Variants in ANK2 observed in about 807,000 individuals in gnomAD.
ANK2 encodes the protein ankyrin 2, also known as ankyrin-2.
Under a neutral mutation model 360.5 loss-of-function variants are expected in ANK2, and 83 were observed. The ratio of observed to expected loss-of-function variants is 0.23; its 90% confidence interval spans 0.19 to 0.28. The LOEUF is 0.28. ANK2 is among the 10% of genes least tolerant of loss of function. The pLI is 1.00. For missense variants in ANK2, 4,201 were observed against 4,795.7 expected (o/e 0.88, Z 3.66); for synonymous variants, 1,740 against 1,759.5 (o/e 0.99, Z 0.28).
chr4:113,016,546 C>A (rs143568377), intron 2 of ANK2, among the ~76,000 whole-genome samples: 1 of 152,132 alleles, frequency 6.6e-6, no homozygotes, highest in Non-Finnish European at 1.5e-5. Context: ...GAACTGCAAC[C>A]GTAGCCTTGC....
intron 2 of ANK2, among the ~76,000 whole-genome samples, chr4:112,998,810 A>G (rs1377157053): frequency 6.6e-6 from 1 of 152,214 alleles, no homozygotes; most frequent in East Asian, 1.9e-4. Flanking sequence ...GTTTGATCAC[A>G]GCACCCTTTT....
chr4:113,206,796 G>C (rs1281697324), intron 4 of ANK2, among the ~76,000 whole-genome samples: 1 of 152,166 alleles, frequency 6.6e-6, no homozygotes, highest in Admixed American at 6.5e-5. Context: ...GACTGAGGTG[G>C]GTGGATCACT....
At chr4:112,938,643 G>C (rs1032096535) in intron 2 of ANK2, among the ~76,000 whole-genome samples, 5 of 152,066 alleles carry the variant, frequency 3.3e-5, no homozygotes, top group Admixed American at 6.5e-5. Flanking sequence ...ATTTTTATTC[G>C]GCTCAATCAG....
intron 2 of ANK2, among the ~76,000 whole-genome samples, chr4:112,952,908 C>T (rs888676287): frequency 3.3e-5 from 5 of 151,980 alleles, no homozygotes. Context: ...GTGACTTGAC[C>T]AAGTCAAGAG....
At chr4:113,179,051 C>A (rs556324022) in intron 2 of ANK2, among the ~76,000 whole-genome samples, 1 of 152,212 alleles carries the variant, frequency 6.6e-6, no homozygotes, top group African/African-American at 2.4e-5. Flanking sequence ...AGTCAAAGAG[C>A]ACCACCACCA....
Position 112,996,295 on chromosome 4 carries a change from C to T in ANK2, c.21+91781C>T, listed in dbSNP as rs146617863. ...GGAGCAGGGAGGGCCAGTCTACAAA[C>T]GAGCATGGGGAAACTTAGGAGTGAT... On this transcript the variant is annotated intron_variant, in intron 2 of 30. Coordinates refer to the ANK2 transcript ENST00000503271. Among the ~76,000 whole-genome samples, 50 of 152,160 alleles carry T rather than the reference C, an allele frequency of 3.3e-4. 1 individual carries two copies. In the East Asian group the frequency reaches 4.6e-3, roughly 14 times the overall value.
chr4:113,207,282 T>C (rs1307952737), intron 4 of ANK2, among the ~76,000 whole-genome samples: 1 of 152,248 alleles, frequency 6.6e-6, no homozygotes. Flanking sequence ...CATTTTATTC[T>C]GAAATTTGAA....
At chr4:112,716,132 T>C in the ANK2 span, among the ~76,000 whole-genome samples, 132,598 of 152,188 alleles carry the variant, frequency 0.87, 58,045 homozygotes, top group Middle Eastern at 0.95. Flanking sequence ...AGAAATGAGG[T>C]TTGCACAGCC....
intron 2 of ANK2, among the ~76,000 whole-genome samples, chr4:112,967,076 G>A (rs1316421366): frequency 2.0e-5 from 3 of 152,180 alleles, no homozygotes; most frequent in African/African-American, 7.2e-5. Context: ...AATTTTCTCA[G>A]TTGATCCCTT....
chr4:112,925,679 A>G (rs2092443874), intron 2 of ANK2, among the ~76,000 whole-genome samples: 1 of 152,246 alleles, frequency 6.6e-6, no homozygotes, highest in South Asian at 2.1e-4. Flanking sequence ...TTTTCTGCCT[A>G]CTTGAATGGA....
the ANK2 span, among the ~76,000 whole-genome samples, chr4:112,811,207 G>A: frequency 6.6e-6 from 1 of 152,252 alleles, no homozygotes; most frequent in South Asian, 2.1e-4. Flanking sequence ...AAAGTGCTGG[G>A]ATTACAGGCG....
chr4:113,134,095 G>A (rs1381102462), intron 1 of ANK2, among the ~76,000 whole-genome samples: 6 of 151,914 alleles, frequency 3.9e-5, no homozygotes, highest in Admixed American at 3.3e-4. Context: ...TATACTACTA[G>A]CACCTCCAAT....
intron 4 of ANK2, among the ~76,000 whole-genome samples, chr4:113,205,421 G>C (rs1256413959): frequency 4.6e-5 from 7 of 151,942 alleles, no homozygotes; most frequent in Admixed American, 4.6e-4. Flanking sequence ...TATCAAGTGA[G>C]TTCAAATAAG....
At chr4:112,707,016 A>C in the ANK2 span, among the ~76,000 whole-genome samples, 1 of 152,292 alleles carries the variant, frequency 6.6e-6, no homozygotes, top group East Asian at 1.9e-4. Flanking sequence ...TTAGGTTATC[A>C]CAGTAGTAGC....
At chr4:113,228,297 T>C (rs1223324275) in intron 4 of ANK2, among the ~76,000 whole-genome samples, 1 of 152,190 alleles carries the variant, frequency 6.6e-6, no homozygotes, top group African/African-American at 2.4e-5. Context: ...CCGGGCAGTA[T>C]ACACTGTGCC....
At chr4:113,237,270 T>C in intron 6 of ANK2, 98 bp downstream of exon 6, 1 of 1,381,114 alleles carries the variant, frequency 7.2e-7, no homozygotes, top group Non-Finnish European at 1.0e-6. Context: ...TAATGCAAAA[T>C]TATTTCTGGT....
chr4:112,946,217 C>G (rs961568516), intron 2 of ANK2, among the ~76,000 whole-genome samples: 1 of 152,126 alleles, frequency 6.6e-6, no homozygotes, highest in African/African-American at 2.4e-5. Flanking sequence ...AACACAAACA[C>G]CAGAGCCTTT....
intron 2 of ANK2, among the ~76,000 whole-genome samples, chr4:113,003,367 A>T (rs1195097029): frequency 2.0e-5 from 3 of 152,168 alleles, no homozygotes; most frequent in African/African-American, 4.8e-5. Context: ...CCTCCCTGAG[A>T]TATTATAGAT....
the ANK2 span, among the ~76,000 whole-genome samples, chr4:112,775,048 G>A: frequency 6.6e-6 from 1 of 152,142 alleles, no homozygotes; most frequent in African/African-American, 2.4e-5. Flanking sequence ...CAGCAGGAGT[G>A]TGATGGATGC....
Sources: gnomAD v4.1 joint callset for allele counts (sites outside exome capture counted in the v4.1 genomes callset) on GRCh38, gnomAD v4.1.1 for gene constraint, MANE v1.5 for transcripts, NCBI Gene and HGNC (gene_info 2026-07-23, HGNC 2026-07-21) for gene names.